The following ADGRL2 variants were observed in gnomAD, a reference collection of about 807,000 sequenced individuals.
The protein encoded by ADGRL2 is adhesion G protein-coupled receptor L2.
ADGRL2 carries 44 observed loss-of-function variants against 157.4 expected under a neutral mutation model. That is an observed-to-expected ratio of 0.28 (90% CI 0.22 to 0.36). The LOEUF (loss-of-function observed/expected upper bound fraction) is 0.36, where lower values mean the gene tolerates loss of function less well. Among genes scored for constraint, ADGRL2 ranks in the 10% least tolerant of loss-of-function variants. The pLI is 1.00. For synonymous variants in ADGRL2, 585 were observed against 624.7 expected, an observed-to-expected ratio of 0.94 and a Z score of 0.95; for missense variants, 1,510 against 1,768.9, an observed-to-expected ratio of 0.85 and a Z score of 2.63.
intron 1 of ADGRL2, among the ~76,000 whole-genome samples, chr1:81,727,275 A>C (rs1388228308): frequency 1.3e-5 from 2 of 152,220 alleles, no homozygotes; most frequent in South Asian, 4.1e-4. Context: ...ATTTAGAAAT[A>C]TTAAGACATA....
chr1:81,743,625 A>G (rs978081524), intron 1 of ADGRL2, among the ~76,000 whole-genome samples: 2 of 152,060 alleles, frequency 1.3e-5, no homozygotes, highest in African/African-American at 4.8e-5. Flanking sequence ...TAAGAAAATG[A>G]GCAAATTAGA....
intron 2 of ADGRL2, among the ~76,000 whole-genome samples, chr1:81,890,598 T>G (rs979690801): frequency 6.6e-6 from 1 of 151,974 alleles, no homozygotes; most frequent in Non-Finnish European, 1.5e-5. Flanking sequence ...TTAGGAAAAA[T>G]GTATGCAATA....
chr1:81,690,212 G>A (rs1467233115), intron 3 of ADGRL2, among the ~76,000 whole-genome samples: 1 of 152,122 alleles, frequency 6.6e-6, no homozygotes, highest in Non-Finnish European at 1.5e-5. Context: ...AAAATTTAGG[G>A]CCAGGCATAG....
chr1:81,503,529 A>T (rs1570306810), intron 2 of ADGRL2: 1 of 1,575,764 alleles, frequency 6.3e-7, no homozygotes, highest in African/African-American at 1.3e-5. Context: ...AAGTTGATGC[A>T]CAGAATTTAC....
chr1:81,710,851 T>C (rs1024235108), intron 1 of ADGRL2, among the ~76,000 whole-genome samples: 1 of 151,536 alleles, frequency 6.6e-6, no homozygotes, highest in Non-Finnish European at 1.5e-5. Context: ...CTTTGACAAA[T>C]AGTTTATTAA....
chr1:81,452,150 C>T (rs201000978), intron 2 of ADGRL2, among the ~76,000 whole-genome samples: 2 of 152,122 alleles, frequency 1.3e-5, no homozygotes, highest in East Asian at 3.9e-4. Context: ...CTAACTTTCT[C>T]CTTGTGACTT....
At chr1:81,318,244 T>C (rs2100598479) in intron 1 of ADGRL2, among the ~76,000 whole-genome samples, 1 of 152,304 alleles carries the variant, frequency 6.6e-6, no homozygotes, top group South Asian at 2.1e-4. Flanking sequence ...AATAGTTTAG[T>C]TTATTGATTG....
rs561009257 is a variant in ADGRL2, at chr1:81,850,540, G to A, written c.73+13483G>A. ...GAGGTTTTCCTCCCATAGCACAAAT[G>A]AAGCTATATAACTGCTTCTTGAAAA... is the stretch of plus-strand genomic sequence containing the variant. On this transcript the variant is annotated intron_variant, in intron 2 of 23. Coordinates refer to ENST00000686636, the MANE Select transcript of ADGRL2 (RefSeq NM_001366006.2). Among the ~76,000 whole-genome samples, 7 of 151,974 alleles carry A rather than the reference G, an allele frequency of 4.6e-5. No homozygotes were observed. In the South Asian group the frequency reaches 1.5e-3, roughly 32 times the overall value.
At chr1:81,980,013 T>C in intron 18 of ADGRL2, 53 bp downstream of exon 18, 1 of 980,178 alleles carries the variant, frequency 1.0e-6, no homozygotes, top group Non-Finnish European at 1.6e-6. Context: ...TAAAAGATAC[T>C]CTCCACAGGG....
chr1:81,903,535 A>G (rs183058895), intron 2 of ADGRL2, among the ~76,000 whole-genome samples: 1 of 151,822 alleles, frequency 6.6e-6, no homozygotes, highest in Admixed American at 6.6e-5. Flanking sequence ...TTAGTTTCAT[A>G]CTCTGTAAAA....
chr1:81,405,169 T>G (rs2076831012), intron 1 of ADGRL2, among the ~76,000 whole-genome samples: 1 of 152,202 alleles, frequency 6.6e-6, no homozygotes, highest in Non-Finnish European at 1.5e-5. Context: ...GCATGAGGAA[T>G]GCCCACTCTG....
intron 1 of ADGRL2, among the ~76,000 whole-genome samples, chr1:81,327,428 A>C (rs1209222614): frequency 6.6e-6 from 1 of 152,194 alleles, no homozygotes; most frequent in Non-Finnish European, 1.5e-5. Flanking sequence ...GGTGGAAAGA[A>C]AGGCAGTCTG....
At chr1:81,467,237 A>C (rs77651951) in intron 2 of ADGRL2, among the ~76,000 whole-genome samples, 6 of 152,176 alleles carry the variant, frequency 3.9e-5, no homozygotes, top group African/African-American at 9.7e-5. Context: ...GCACTGCTGC[A>C]TAGGGAGAAT....
intron 1 of ADGRL2, among the ~76,000 whole-genome samples, chr1:81,365,656 G>A (rs570507951): frequency 2.0e-5 from 3 of 152,170 alleles, no homozygotes; most frequent in African/African-American, 4.8e-5. Context: ...GATAACGGAG[G>A]ATCATCATTT....
chr1:81,684,464 G>C (rs2083189653), intron 3 of ADGRL2, among the ~76,000 whole-genome samples: 1 of 151,998 alleles, frequency 6.6e-6, no homozygotes, highest in Non-Finnish European at 1.5e-5. Flanking sequence ...TCCTTAGCCT[G>C]CTTTTTGATG....
At chr1:81,504,450 T>C (rs1338113218) in intron 2 of ADGRL2, among the ~76,000 whole-genome samples, 1 of 152,220 alleles carries the variant, frequency 6.6e-6, no homozygotes, top group Non-Finnish European at 1.5e-5. Context: ...CAGGAAGTAT[T>C]TGCATCTCTG....
At chr1:81,680,548 G>T (rs990660930) in intron 3 of ADGRL2, among the ~76,000 whole-genome samples, 1 of 151,980 alleles carries the variant, frequency 6.6e-6, no homozygotes, top group Non-Finnish European at 1.5e-5. Context: ...TCATCAGACC[G>T]ATAATTAATA....
At chr1:81,521,162 T>C (rs998070004) in intron 2 of ADGRL2, among the ~76,000 whole-genome samples, 3 of 152,110 alleles carry the variant, frequency 2.0e-5, no homozygotes, top group Admixed American at 2.0e-4. Flanking sequence ...GTAAAGAACA[T>C]GCAGAGGGAA....
chr1:81,963,160 C>G (rs565000298), intron 11 of ADGRL2, among the ~76,000 whole-genome samples: 2 of 109,096 alleles, frequency 1.8e-5, no homozygotes, highest in East Asian at 4.2e-4. Context: ...TCCTAGACAA[C>G]TTATACTTCT....
Sources: gnomAD v4.1 joint callset for allele counts (sites outside exome capture counted in the v4.1 genomes callset) on GRCh38, gnomAD v4.1.1 for gene constraint, MANE v1.5 for transcripts, NCBI Gene and HGNC (gene_info 2026-07-23, HGNC 2026-07-21) for gene names.